GPA33: variants seen among roughly 807,000 people sequenced by gnomAD.
The protein encoded by GPA33 is cell surface A33 antigen.
Under a neutral mutation model 35.6 loss-of-function variants are expected in GPA33, and 27 were observed. That is an observed-to-expected ratio of 0.76 (90% CI 0.56 to 1.04). The LOEUF (loss-of-function observed/expected upper bound fraction) is 1.04, where lower values mean the gene tolerates loss of function less well. Among genes scored for constraint, GPA33 ranks in the 50% least tolerant of loss-of-function variants. The pLI, the probability that GPA33 is intolerant of heterozygous loss-of-function variation, is 0.00. For synonymous variants in GPA33, 176 were observed against 164.0 expected (o/e 1.07, Z -0.56); for missense variants, 428 against 411.9 (o/e 1.04, Z -0.34).
At chr1:167,070,146 A>T (rs749076266) in intron 2 of GPA33, among the ~76,000 whole-genome samples, 7 of 152,164 alleles carry the variant, frequency 4.6e-5, no homozygotes, top group African/African-American at 9.7e-5. Context: ...TAAGTGTTGG[A>T]GTAGGATAAA....
chr1:167,055,573 CAG>C (rs1666224452), intron 5 of GPA33, among the ~76,000 whole-genome samples, 155 bp downstream of exon 5: 1 of 152,044 alleles, frequency 6.6e-6, no homozygotes, highest in African/African-American at 2.4e-5. Context: ...GAGCCTGGGA[CAG>C]AGTCATCCTG....
chr1:167,065,563 T>C (rs1170171380), intron 3 of GPA33, among the ~76,000 whole-genome samples: 1 of 152,114 alleles, frequency 6.6e-6, no homozygotes, highest in Non-Finnish European at 1.5e-5. Context: ...CATTCTATAA[T>C]CCAGGTGCAC....
intron 1 of GPA33, among the ~76,000 whole-genome samples, chr1:167,083,357 G>A (rs1396816555): frequency 1.3e-5 from 2 of 152,196 alleles, no homozygotes; most frequent in Admixed American, 1.3e-4. Flanking sequence ...CAGCCTGGAG[G>A]AGGAAGAAAA....
At chr1:167,068,880 C>T (rs1488119916) in intron 3 of GPA33, 42 bp downstream of exon 3, 2 of 1,508,878 alleles carry the variant, frequency 1.3e-6, no homozygotes, top group African/African-American at 2.7e-5. Context: ...GCCACCTGCC[C>T]ACCCTCTTCC....
chr1:167,057,020 G>A (rs1666322403), intron 4 of GPA33, among the ~76,000 whole-genome samples: 1 of 149,702 alleles, frequency 6.7e-6, no homozygotes, highest in African/African-American at 2.5e-5. Context: ...TGTGTGATGT[G>A]TGGTGTGTGT....
chr1:167,058,826 G>A (rs1328857689), intron 4 of GPA33, among the ~76,000 whole-genome samples: 1 of 152,228 alleles, frequency 6.6e-6, no homozygotes, highest in Admixed American at 6.5e-5. Context: ...CTACAATGCT[G>A]TTGAGCACTG....
In GPA33 at chr1:167,069,110, T is replaced by C. The variant is rs561398745; in HGVS notation, c.227A>G (p.Asn76Ser). The change falls in exon 3 of 7, where the codon AAC becomes AGC. Residue 76 changes from asparagine (N) to serine (S), a missense_variant. Asn to Ser is a conservative substitution (Grantham distance 46). Coordinates refer to ENST00000367868, the MANE Select transcript of GPA33 (RefSeq NM_005814.3). ...TERVVIWPFS[N>S]KNYIHGELYK... is the part of the protein sequence containing the mutation. ...AAGCTCACCATGGATGTAGTTTTTG[T>C]TTGAAAACGGCCAGATGACCACCCT... 1.2e-6 allele frequency: 2 copies of C among 1,613,936 alleles called. No individual in the cohort carries two copies. Among genetic ancestry groups the C allele is most frequent in the Non-Finnish European group, 1.7e-6 (2 of 1,179,850 alleles).
At position 167,090,148 on chromosome 1, in the gene GPA33, C is replaced by T. The variant is rs1040309042; in HGVS notation, c.43+97G>A. On this transcript the variant is annotated intron_variant, in intron 1 of 6. Coordinates refer to ENST00000367868, the MANE Select transcript of GPA33 (RefSeq NM_005814.3). ...AGGAACGCAGCTGTGTTGCTGGAGGCCCTTCCTGGGAAGGCTCTGACAGAG... is the reference window on the plus strand; with the variant it reads ...AGGAACGCAGCTGTGTTGCTGGAGGTCCTTCCTGGGAAGGCTCTGACAGAG... 1.9e-5 allele frequency: 17 copies of T among 898,240 alleles called. No homozygotes were observed. In the Admixed American group the frequency reaches 2.1e-4, roughly 11 times the overall value. The allele number at this position is 898,240 out of a possible 1,614,324, so 55.6% of individuals were successfully genotyped here.
At chr1:167,083,623 T>C (rs977613081) in intron 1 of GPA33, among the ~76,000 whole-genome samples, 2 of 152,074 alleles carry the variant, frequency 1.3e-5, no homozygotes, top group Non-Finnish European at 2.9e-5. Flanking sequence ...AAAACCACCA[T>C]AGTAACGAGT....
chr1:167,069,180 C>A, intron 2 of GPA33, 42 bp from the exon 3 acceptor site: 1 of 1,426,802 alleles, frequency 7.0e-7, no homozygotes, highest in Non-Finnish European at 9.8e-7. Flanking sequence ...ACCCAAAGGC[C>A]CTTGCCTGGT....
chr1:167,060,011 C>A (rs1666400196), intron 4 of GPA33, among the ~76,000 whole-genome samples: 1 of 152,196 alleles, frequency 6.6e-6, no homozygotes, highest in African/African-American at 2.4e-5. Flanking sequence ...GTTTTAAAAG[C>A]CAGAAATAAT....
At chr1:167,056,623 A>T (rs56271903) in intron 4 of GPA33, among the ~76,000 whole-genome samples, 35 of 2,014 alleles carry the variant, frequency 0.017, no homozygotes, top group African/African-American at 0.021. Context: ...GTGTGTGGTG[A>T]GTGTGTGATG....
At chr1:167,087,924 A>ACACACACACACACACACACT in intron 1 of GPA33, among the ~76,000 whole-genome samples, 1 of 151,852 alleles carries the variant, frequency 6.6e-6, no homozygotes, top group Non-Finnish European at 1.5e-5. Flanking sequence ...ACACACACAC[A>ACACACACACACACACACACT]CACACACAAA....
intron 4 of GPA33, among the ~76,000 whole-genome samples, chr1:167,061,451 G>A (rs995986275): frequency 1.3e-5 from 2 of 152,080 alleles, no homozygotes; most frequent in African/African-American, 4.8e-5. Flanking sequence ...GAGCTGCCAG[G>A]TGGTTTCAAC....
Position 167,068,951 on chromosome 1 carries a change from G to A in GPA33, c.386C>T (p.Thr129Ile), listed in dbSNP as rs1666656448. The change falls in exon 3 of 7, where the codon ACC becomes ATC. Residue 129 changes from threonine (T) to isoleucine (I), a missense_variant. Coordinates refer to ENST00000367868, the MANE Select transcript of GPA33 (RefSeq NM_005814.3). ...VSLMSDLEGN[T>I]KSRVRLLVLV... ...GACCAACAGGCGGACACGTGACTTG[G>A]TGTTGCCCTCCAGGTCTGACATCAG... The A allele has an allele frequency of 1.2e-6, 2 of 1,613,330 alleles. No homozygotes were observed. The highest frequency in any genetic ancestry group is 1.7e-6 in the Non-Finnish European group (2 of 1,179,926).
At chr1:167,080,857 C>T (rs1666930764) in intron 1 of GPA33, among the ~76,000 whole-genome samples, 1 of 152,172 alleles carries the variant, frequency 6.6e-6, no homozygotes, top group Non-Finnish European at 1.5e-5. Context: ...TGTTTTTTGA[C>T]AGCAAATGAA....
chr1:167,063,177 C>T (rs1041243010), intron 4 of GPA33, among the ~76,000 whole-genome samples: 2 of 152,188 alleles, frequency 1.3e-5, no homozygotes, highest in African/African-American at 4.8e-5. Context: ...CCTGTAATCC[C>T]AGCACTTTGA....
chr1:167,077,218 A>AG (rs1294625522), intron 1 of GPA33, among the ~76,000 whole-genome samples: 1 of 151,992 alleles, frequency 6.6e-6, no homozygotes, highest in Non-Finnish European at 1.5e-5. Context: ...AAAAAAAAAA[A>AG]AGAGAAGAAA....
chr1:167,059,906 A>C (rs1666396970), intron 4 of GPA33, among the ~76,000 whole-genome samples: 1 of 152,148 alleles, frequency 6.6e-6, no homozygotes, highest in Non-Finnish European at 1.5e-5. Context: ...CTGAGGGTTT[A>C]GTCAAAGGAA....
Sources: allele counts gnomAD v4.1 joint callset (sites outside exome capture counted in the v4.1 genomes callset), GRCh38; gene constraint gnomAD v4.1.1; transcripts MANE v1.5; gene names NCBI Gene and HGNC (gene_info 2026-07-23, HGNC 2026-07-21).